PELP1: variants seen among roughly 807,000 people sequenced by gnomAD.
PELP1 encodes proline-, glutamic acid- and leucine-rich protein 1.
A neutral mutation model predicts 95.5 loss-of-function variants in PELP1; 32 were observed. The observed-to-expected ratio is 0.34, with a 90% CI of 0.25 to 0.45. The LOEUF is 0.45. Ranked by LOEUF, PELP1 falls within the 20% of genes least tolerant of loss-of-function variation. The probability of loss-of-function intolerance (pLI) is 1.00; values close to 1 mark genes in which losing one functional copy is unlikely to be tolerated. For missense variants in PELP1, 1,358 were observed against 1,444.8 expected (o/e 0.94, Z 0.97); for synonymous variants, 668 against 600.1 (o/e 1.11, Z -1.65).
At chr17:4,683,990 CT>C (rs1350401036) in intron 3 of PELP1, among the ~76,000 whole-genome samples, 1 of 151,864 alleles carries the variant, frequency 6.6e-6, no homozygotes, top group Non-Finnish European at 1.5e-5. Flanking sequence ...ACTTTTCAGA[CT>C]GAAAAATAAG....
chr17:4,698,527 A>G (rs1039148718), intron 1 of PELP1, among the ~76,000 whole-genome samples: 2 of 150,974 alleles, frequency 1.3e-5, no homozygotes, highest in Admixed American at 6.6e-5. Context: ...TTGTAATCCC[A>G]GCTACTTGGG....
rs1347693299 is a variant in PELP1 at position 4,672,919 on chromosome 17, G to A, written c.2072C>T (p.Ser691Leu). 1.9e-6 allele frequency: 3 copies of A among 1,612,456 alleles called. No homozygotes were observed. Among genetic ancestry groups the A allele is most frequent in the Admixed American group, 1.7e-5 (1 of 59,912 alleles). ...GPMPSAGPMPSAGPVPSARPG... is the reference protein window; with the variant it reads ...GPMPSAGPMPLAGPVPSARPG... ...GCGTGCCGAGGGCACAGGGCCTGCT[G>A]AGGGCATGGGGCCTGCTGAAGGCAT... Residue 691 changes from serine (S) to leucine (L), a missense_variant, in exon 16 of 17, where the codon TCA (serine) becomes TTA (leucine). Physicochemically the swap from Ser to Leu is moderately radical, Grantham distance 145. Transcript: ENST00000572293.
chr17:4,683,365 C>T (rs141521609), intron 3 of PELP1, among the ~76,000 whole-genome samples: 3,044 of 151,370 alleles, frequency 0.02, 120 homozygotes, highest in African/African-American at 0.07. Flanking sequence ...AGACTACAAG[C>T]GCCCGCCACC....
intron 6 of PELP1, 98 bp from the exon 7 acceptor site, chr17:4,676,605 G>A (rs2150554931): frequency 1.4e-6 from 2 of 1,476,640 alleles, no homozygotes; most frequent in East Asian, 4.5e-5. Context: ...AGATCAGAGA[G>A]AGCTCTGAGG....
At position 4,703,937 on chromosome 17, in the gene PELP1, G is replaced by A. The variant is rs1385885609; in HGVS notation, c.175C>T (p.Pro59Ser). 6.2e-6 allele frequency: 10 copies of A among 1,613,620 alleles called. No homozygotes were observed. The highest frequency in any genetic ancestry group is 3.3e-5 in the Admixed American group (2 of 60,024). ...GGCAAATGTGGGGCCGAGCGGTTTGGGGGATGCACCGGAGCAACGGCAGAC... is the reference window on the plus strand; with the variant it reads ...GGCAAATGTGGGGCCGAGCGGTTTGAGGGATGCACCGGAGCAACGGCAGAC... ...TGSAVAPVHPPNRSAPHLPGL... is the reference protein window; with the variant it reads ...TGSAVAPVHPSNRSAPHLPGL... The change falls in exon 1 of 17, where the codon CCA becomes TCA. Residue 59 changes from proline to serine, a missense_variant. Transcript: ENST00000572293.
chr17:4,698,541 C>A (rs775479094), intron 1 of PELP1, among the ~76,000 whole-genome samples: 5 of 147,798 alleles, frequency 3.4e-5, no homozygotes, highest in Non-Finnish European at 5.9e-5. Context: ...ACTTGGGAGG[C>A]TGAGGCAGGA....
intron 1 of PELP1, among the ~76,000 whole-genome samples, chr17:4,692,360 G>A (rs1420846733): frequency 4.0e-5 from 6 of 151,864 alleles, no homozygotes; most frequent in African/African-American, 1.2e-4. Context: ...CCAGCTACTC[G>A]GGAGGCTGAG....
rs114759224 is a variant in PELP1 at position 4,680,067 on chromosome 17, T to G, written c.642+2435A>C. ...TACAATTACCAGATAATATAACCTT[T>G]GGTTACGTCACTTAAGTCCCTCTCA... On this transcript the variant is annotated intron_variant, in intron 5 of 16. Coordinates refer to ENST00000572293, the MANE Select transcript of PELP1 (RefSeq NM_014389.3). Among the ~76,000 whole-genome samples, 441 of 152,314 alleles carry G rather than the reference T, an allele frequency of 2.9e-3. 4 individuals carry two copies. Among genetic ancestry groups the G allele is most frequent in the African/African-American group, 0.01 (417 of 41,564 alleles).
At position 4,677,951 on chromosome 17, in the gene PELP1, C is replaced by T. The variant is rs558159565; in HGVS notation, c.643-1139G>A. On this transcript the variant is annotated intron_variant, in intron 5 of 16. Coordinates refer to ENST00000572293, the MANE Select transcript of PELP1 (RefSeq NM_014389.3). ...AAAAAAAAGGCCAGGCACGGTGGCT[C>T]ATACCTGTAATCCCAGCACTTTGGG... is the stretch of plus-strand genomic sequence containing the variant. 1.3e-3 allele frequency among the ~76,000 whole-genome samples: 204 copies of T among 151,198 alleles called. 5 individuals are homozygous for T. The highest frequency in any genetic ancestry group is 3.5e-3 in the Middle Eastern group (1 of 286).
At chr17:4,701,406 T>C (rs1037633738) in intron 1 of PELP1, among the ~76,000 whole-genome samples, 2 of 152,094 alleles carry the variant, frequency 1.3e-5, no homozygotes, top group Non-Finnish European at 2.9e-5. Flanking sequence ...ACCCAGAGGC[T>C]GAAGGATTTT....
Position 4,703,910 on chromosome 17 carries a change from C to T in PELP1, c.202G>A (p.Gly68Arg). Residue 68 changes from glycine to arginine, a missense_variant, in exon 1 of 17, where the codon GGG (glycine) becomes AGG (arginine). By Grantham distance (125) the Gly-to-Arg change is moderately radical. This residue lies in a region of PELP1 where 169 missense variants were observed against 134.9 expected (regional missense o/e 1.25). Coordinates refer to ENST00000572293, the MANE Select transcript of PELP1 (RefSeq NM_014389.3). ...PPNRSAPHLP[G>R]LMCLLRLHGS... Reference sequence around the variant, plus strand: ...TGCAGCCGCAATAGGCACATGAGCCCGGGCAAATGTGGGGCCGAGCGGTTT... The same window carrying T: ...TGCAGCCGCAATAGGCACATGAGCCTGGGCAAATGTGGGGCCGAGCGGTTT... 4 of 1,613,446 alleles carry T rather than the reference C, an allele frequency of 2.5e-6. No individual in the cohort carries two copies. The highest frequency in any genetic ancestry group is 2.5e-6 in the Non-Finnish European group (3 of 1,179,708).
intron 7 of PELP1, 92 bp downstream of exon 7, chr17:4,676,265 A>T: frequency 6.3e-7 from 1 of 1,578,566 alleles, no homozygotes. Context: ...TTCCCCAAAA[A>T]CCAACTGCCC....
chr17:4,675,279 G>A lies in PELP1; in HGVS notation c.1152C>T (p.Ile384=), dbSNP rs960245068. 1.3e-6 allele frequency: 2 copies of A among 1,576,962 alleles called. No individual in the cohort carries two copies. The highest frequency in any genetic ancestry group is 2.7e-5 in the African/African-American group (2 of 74,138). The change falls in exon 10 of 17, where the codon ATC becomes ATT. Residue 384 remains isoleucine, a synonymous_variant. Transcript: ENST00000572293. The surrounding 1 kb of genome is among the most constrained non-coding windows in gnomAD (Gnocchi z 4.3). ...LEALDLLSAL[I]LACGSRLLRF... ...GCCAGCCCAATCCCACTCACGCGAGGATGAGTGCAGACAGCAGGTCCAAGG... is the reference window on the plus strand; with the variant it reads ...GCCAGCCCAATCCCACTCACGCGAGAATGAGTGCAGACAGCAGGTCCAAGG...
At chr17:4,703,748 C>T (rs1913645206) in intron 1 of PELP1, 115 bp downstream of exon 1, 1 of 855,186 alleles carries the variant, frequency 1.2e-6, no homozygotes, top group East Asian at 2.7e-5. Flanking sequence ...CCTTTCTGCC[C>T]GCAGCTCTCC....
chr17:4,703,197 T>C (rs1913616262), intron 1 of PELP1, among the ~76,000 whole-genome samples: 1 of 152,136 alleles, frequency 6.6e-6, no homozygotes, highest in African/African-American at 2.4e-5. Context: ...CCCCTCCACA[T>C]CTGAGCCCCA....
At chr17:4,685,963 G>A (rs1912897136) in intron 3 of PELP1, among the ~76,000 whole-genome samples, 2 of 152,040 alleles carry the variant, frequency 1.3e-5, no homozygotes, top group South Asian at 4.2e-4. Context: ...CGGGTGTGGT[G>A]ATAGGCGCCT....
At position 4,676,439 on chromosome 17, in the gene PELP1, G is replaced by C; in HGVS notation, c.771C>G (p.Thr257=). ...TGTGTAGCTCCTGCTCCCAGCTCTC[G>C]GTGTGCTTCAGGCCTTGGGAAAAGC... ...GAGFSQGLKH[T]ESWEQELHSL... Residue 257 remains threonine (T), a synonymous_variant, in exon 7 of 17, where the codon ACC becomes ACG. Coordinates refer to ENST00000572293, the MANE Select transcript of PELP1 (RefSeq NM_014389.3). The C allele has an allele frequency of 3.7e-6, 6 of 1,613,740 alleles. No individual in the cohort carries two copies. The highest frequency in any genetic ancestry group is 4.2e-6 in the Non-Finnish European group (5 of 1,179,800).
At chr17:4,679,929 T>A (rs1268912121) in intron 5 of PELP1, among the ~76,000 whole-genome samples, 2 of 152,182 alleles carry the variant, frequency 1.3e-5, no homozygotes, top group Non-Finnish European at 2.9e-5. Context: ...ACTGCAGGCA[T>A]CACTCCCTGA....
chr17:4,690,852 G>T, intron 3 of PELP1, 36 bp downstream of exon 3: 1 of 1,274,730 alleles, frequency 7.8e-7, no homozygotes, highest in Non-Finnish European at 1.1e-6. Context: ...TAAGATGGGG[G>T]AGGAGGAGGA....
Sources: allele counts gnomAD v4.1 joint callset (sites outside exome capture counted in the v4.1 genomes callset), GRCh38; gene constraint gnomAD v4.1.1; regional missense constraint gnomAD v4.1.1; non-coding constraint Gnocchi (gnomAD v3.1); transcripts MANE v1.5; gene names NCBI Gene and HGNC (gene_info 2026-07-23, HGNC 2026-07-21).